Variants in ITCH observed in about 807,000 individuals in gnomAD.
ITCH encodes the protein E3 ubiquitin-protein ligase Itchy homolog.
In ITCH, 28 loss-of-function variants were observed where a neutral mutation model predicts 126.8. The observed-to-expected ratio is 0.22, with a 90% CI of 0.16 to 0.30. ITCH has a LOEUF of 0.30. ITCH is among the 10% of genes least tolerant of loss of function. The probability of loss-of-function intolerance (pLI) is 1.00; values close to 1 mark genes in which losing one functional copy is unlikely to be tolerated. For synonymous variants in ITCH, 342 were observed against 340.0 expected (o/e 1.01, Z -0.06); for missense variants, 631 against 1,032.4 (o/e 0.61, Z 5.33).
In ITCH at chr20:34,475,635, GGAGACCGTGGAAAGAGAGGGAGAGC is replaced by G. The variant is rs1276677636; in HGVS notation, c.1570-2126_1570-2102del. On this transcript the variant is annotated intron_variant, in intron 16 of 24. Coordinates refer to ENST00000374864, the MANE Select transcript of ITCH (RefSeq NM_031483.7). Reference sequence around the variant, plus strand: ...GTCCAGCTTCGGCTCGGCATCAGAGGGAGACCGTGGAAAGAGAGGGAGAGCGAGACCGTGGGGAGAGGGAGACGGG... The same window carrying G: ...GTCCAGCTTCGGCTCGGCATCAGAGGGAGACCGTGGGGAGAGGGAGACGGG... 6.6e-5 allele frequency among the ~76,000 whole-genome samples: 10 copies of G among 152,020 alleles called. No homozygotes were observed. The South Asian group carries it at 1.0e-3, about 16-fold the overall frequency.
At chr20:34,455,096 C>G (rs900996233) in intron 12 of ITCH, among the ~76,000 whole-genome samples, 6 of 152,014 alleles carry the variant, frequency 3.9e-5, no homozygotes, top group African/African-American at 1.2e-4. Context: ...CTCCCAGAGT[C>G]CTGGGATTAC....
At position 34,374,730 on chromosome 20, in the gene ITCH, C is replaced by A. The variant is rs898768565; in HGVS notation, c.-22+5260C>A. Among the ~76,000 whole-genome samples, 29 of 149,748 alleles carry A rather than the reference C, an allele frequency of 1.9e-4. 1 individual carries two copies. Among genetic ancestry groups the A allele is most frequent in the Admixed American group, 3.3e-4 (5 of 14,926 alleles). On this transcript the variant is annotated intron_variant, in intron 2 of 24. Transcript: ENST00000374864. ...CAGCTGTTAAAGCAGCTTTGGCTTA[C>A]AATTTTTTTTTTTTTTTTTTGAGAC...
intron 6 of ITCH, among the ~76,000 whole-genome samples, chr20:34,416,428 A>G (rs1979864274): frequency 6.6e-6 from 1 of 152,148 alleles, no homozygotes; most frequent in African/African-American, 2.4e-5. Flanking sequence ...AGTTATAACA[A>G]TATACTACAA....
chr20:34,466,948 G>A (rs1987122116), intron 14 of ITCH, among the ~76,000 whole-genome samples: 1 of 152,122 alleles, frequency 6.6e-6, no homozygotes, highest in Non-Finnish European at 1.5e-5. Context: ...GCAGAACTCA[G>A]TGAAGTGGAA....
At chr20:34,499,882 T>G (rs1311518194) in intron 23 of ITCH, among the ~76,000 whole-genome samples, 1 of 152,190 alleles carries the variant, frequency 6.6e-6, no homozygotes, top group Admixed American at 6.5e-5. Flanking sequence ...CAATATATTG[T>G]GTTTCCATTT....
intron 2 of ITCH, among the ~76,000 whole-genome samples, chr20:34,372,034 C>T (rs562799527): frequency 3.4e-4 from 52 of 152,120 alleles, no homozygotes; most frequent in Admixed American, 9.8e-4. Flanking sequence ...CGGCCGGCCG[C>T]GGTGGCTCAT....
At chr20:34,456,182 G>A (rs202177221) in intron 12 of ITCH, among the ~76,000 whole-genome samples, 56 of 37,166 alleles carry the variant, frequency 1.5e-3, no homozygotes, top group African/African-American at 8.1e-3. Flanking sequence ...GTGTGTGTGT[G>A]TGTATATATA....
rs1983333990 is a variant in ITCH, at chr20:34,438,563, A to G, written c.611A>G (p.Asn204Ser). ...GGGAATAATTCTCCATCACTCTCAA[A>G]TGGTGGTTTTAAACCTTCTAGACCT... ...VSGNNSPSLSNGGFKPSRPPR... is the reference protein window; with the variant it reads ...VSGNNSPSLSSGGFKPSRPPR... The change falls in exon 8 of 25, where the codon AAT (asparagine) becomes AGT (serine). Residue 204 changes from asparagine to serine, a missense_variant. Physicochemically the swap from Asn to Ser is conservative, Grantham distance 46. Around this residue, in one of 4 missense-constraint regions of ITCH, gnomAD observed 220 missense variants for 265.7 expected, o/e 0.83. Coordinates refer to ENST00000374864, the MANE Select transcript of ITCH (RefSeq NM_031483.7). 2 of 1,614,060 alleles carry G rather than the reference A, an allele frequency of 1.2e-6. No individual in the cohort carries two copies. Among genetic ancestry groups the G allele is most frequent in the South Asian group, 1.1e-5 (1 of 91,074 alleles).
At chr20:34,489,241 A>C in intron 20 of ITCH, 25 bp from the exon 21 acceptor site, 1 of 1,609,134 alleles carries the variant, frequency 6.2e-7, no homozygotes, top group Non-Finnish European at 8.5e-7. Context: ...ACTTCCTGAT[A>C]GGTTTTTTCA....
In ITCH at chr20:34,507,990, CTA is replaced by C; in HGVS notation, c.*197_*198del. ...TTCCAGAAATCAGGTCTGCAAATGACTAGTCAGAACCTTGCTTAACATGAGAT... is the reference window on the plus strand; with the variant it reads ...TTCCAGAAATCAGGTCTGCAAATGACGTCAGAACCTTGCTTAACATGAGAT... On this transcript the variant is annotated 3_prime_UTR_variant, in exon 25 of 25. Transcript: ENST00000374864. 1 of 551,536 alleles carries C rather than the reference CTA, an allele frequency of 1.8e-6. No individual in the cohort carries two copies. Among genetic ancestry groups the C allele is most frequent in the South Asian group, 2.0e-5 (1 of 50,544 alleles). 34.2% of individuals were successfully genotyped at this position (551,536 alleles called of 1,614,324 possible). A position where few individuals can be genotyped will look rare whatever the true frequency, so the allele number is the denominator to read the frequency against.
chr20:34,486,307 G>A (rs977803297), intron 20 of ITCH, among the ~76,000 whole-genome samples: 7 of 150,384 alleles, frequency 4.7e-5, no homozygotes, highest in Non-Finnish European at 8.9e-5. Context: ...GGCATGAGCC[G>A]CCGCATCCAG....
chr20:34,391,640 T>C (rs1486854613), intron 2 of ITCH, among the ~76,000 whole-genome samples: 1 of 152,186 alleles, frequency 6.6e-6, no homozygotes, highest in Non-Finnish European at 1.5e-5. Flanking sequence ...TTCAAGAATT[T>C]AAAATGCTTG....
chr20:34,365,274 G>C (rs1747761783), intron 1 of ITCH, among the ~76,000 whole-genome samples: 1 of 152,074 alleles, frequency 6.6e-6, no homozygotes, highest in Non-Finnish European at 1.5e-5. Context: ...TTTAAGTTTT[G>C]TGAGTCCAAA....
intron 14 of ITCH, among the ~76,000 whole-genome samples, chr20:34,469,603 C>T (rs1177914723): frequency 2.0e-5 from 3 of 152,102 alleles, no homozygotes; most frequent in East Asian, 1.9e-4. Flanking sequence ...AAAGATCCTT[C>T]TTGAACGTTT....
rs1984950237 is a variant in ITCH, at chr20:34,449,626, A to C, written c.1210+146A>C. 1.1e-5 allele frequency: 7 copies of C among 624,362 alleles called. No homozygotes were observed. The South Asian group carries it at 1.3e-4, about 12-fold the overall frequency. The allele number at this position is 624,362 out of a possible 1,614,324, so 38.7% of individuals were successfully genotyped here. A position where few individuals can be genotyped will look rare whatever the true frequency, so the allele number is the denominator to read the frequency against. On this transcript the variant is annotated intron_variant, in intron 12 of 24. Transcript: ENST00000374864. The stretch of plus-strand genomic sequence containing the variant: ...GAAGTTTTTTTTTAATATATATATC[A>C]GTTTAATTCACAAATAGGCATTAAA...
At chr20:34,462,903 A>G (rs1038834820) in intron 14 of ITCH, among the ~76,000 whole-genome samples, 23 of 152,228 alleles carry the variant, frequency 1.5e-4, no homozygotes, top group African/African-American at 5.5e-4. Flanking sequence ...CATATCTTCA[A>G]GATTTATCCG....
intron 6 of ITCH, 112 bp from the exon 7 acceptor site, chr20:34,424,364 GTTCT>G: frequency 1.2e-6 from 1 of 809,580 alleles, no homozygotes. Context: ...GTTATAGTAT[GTTCT>G]TTATTACAAA....
chr20:34,494,133 G>A (rs995650504), intron 23 of ITCH, among the ~76,000 whole-genome samples: 3 of 152,214 alleles, frequency 2.0e-5, no homozygotes, highest in Non-Finnish European at 4.4e-5. Context: ...GAAGGCTGAG[G>A]CAGGGAGAAT....
chr20:34,487,636 G>A (rs745976080), intron 20 of ITCH, among the ~76,000 whole-genome samples: 2 of 151,958 alleles, frequency 1.3e-5, no homozygotes, highest in Non-Finnish European at 2.9e-5. Context: ...ACTACTTCTT[G>A]TACAATATAA....
Sources: allele counts gnomAD v4.1 joint callset (sites outside exome capture counted in the v4.1 genomes callset), GRCh38; gene constraint gnomAD v4.1.1; regional missense constraint gnomAD v4.1.1; transcripts MANE v1.5; gene names NCBI Gene and HGNC (gene_info 2026-07-23, HGNC 2026-07-21).